The following LARGE1 variants were observed in gnomAD, a reference collection of about 807,000 sequenced individuals.
The protein encoded by LARGE1 is LARGE xylosyl- and glucuronyltransferase 1.
LARGE1 carries 43 observed loss-of-function variants against 87.6 expected under a neutral mutation model. The observed-to-expected ratio is 0.49, with a 90% CI of 0.38 to 0.63. LARGE1 has a LOEUF of 0.63. Among genes scored for constraint, LARGE1 ranks in the 30% least tolerant of loss-of-function variants. The pLI is 0.00. For missense variants in LARGE1, 802 were observed against 1,000.2 expected (o/e 0.80, Z 2.67); for synonymous variants, 434 against 394.6 (o/e 1.10, Z -1.18).
intron 5 of LARGE1, among the ~76,000 whole-genome samples, chr22:33,585,699 T>C (rs1030895488): frequency 5.3e-5 from 8 of 152,188 alleles, no homozygotes; most frequent in Admixed American, 6.5e-5. Flanking sequence ...GTAGATTGTT[T>C]AAGGCACTTT....
At chr22:33,887,817 C>T (rs1265585153) in intron 1 of LARGE1, among the ~76,000 whole-genome samples, 2 of 152,124 alleles carry the variant, frequency 1.3e-5, no homozygotes, top group Non-Finnish European at 2.9e-5. Flanking sequence ...GGTTCTCATG[C>T]CTATGATTTT....
chr22:33,232,711 T>C (rs186837603), intron 11 of LARGE1, among the ~76,000 whole-genome samples: 1 of 152,190 alleles, frequency 6.6e-6, no homozygotes, highest in Admixed American at 6.5e-5. Context: ...TGCAAAGCAG[T>C]AAAGAGAAGA....
rs189631279 is a variant in LARGE1, at chr22:33,541,955, G to A, written c.787+22893C>T. ...AGGCGGGTGGATCACCTGAGGTCAA[G>A]AGTTGGAGAACAGCCTGGCCAACAT... On this transcript the variant is annotated intron_variant, in intron 6 of 14. Coordinates refer to ENST00000397394, the MANE Select transcript of LARGE1 (RefSeq NM_133642.5). Among the ~76,000 whole-genome samples, 49 of 152,072 alleles carry A rather than the reference G, an allele frequency of 3.2e-4. 1 individual carries two copies. The highest frequency in any genetic ancestry group is 6.2e-4 in the South Asian group (3 of 4,810).
At chr22:33,416,100 T>A (rs2066476176) in intron 7 of LARGE1, among the ~76,000 whole-genome samples, 1 of 152,172 alleles carries the variant, frequency 6.6e-6, no homozygotes, top group African/African-American at 2.4e-5. Context: ...GATGCTCCCA[T>A]CTTCTAGGTG....
At chr22:33,756,073 C>T (rs2283939) in intron 2 of LARGE1, among the ~76,000 whole-genome samples, 50,883 of 151,864 alleles carry the variant, frequency 0.34, 8,928 homozygotes, top group African/African-American at 0.43. Flanking sequence ...GAAATAGTTT[C>T]CTCAGGTAGT....
intron 5 of LARGE1, among the ~76,000 whole-genome samples, chr22:33,594,018 A>G (rs2078913818): frequency 6.6e-6 from 1 of 152,222 alleles, no homozygotes; most frequent in Non-Finnish European, 1.5e-5. Context: ...GGATAAAAGA[A>G]GATTATGCAA....
At chr22:33,921,681 T>G (rs1441368950), upstream of LARGE1, among the ~76,000 whole-genome samples, 2 of 152,060 alleles carry the variant, frequency 1.3e-5, no homozygotes, top group South Asian at 2.1e-4. The surrounding 1 kb of genome is among the most constrained non-coding windows in gnomAD (Gnocchi z 4.1). Context: ...ACACACCCCA[T>G]GCACGCACAA....
Position 33,274,275 on chromosome 22 carries a change from C to G in LARGE1, c.*152G>C. ...GACTGGCTGGATCCTTGTCCAAGGT[C>G]TCTGTAGTGAGGGCAGCTTGGCTGG... On this transcript the variant is annotated 3_prime_UTR_variant, in exon 15 of 15. Transcript: ENST00000397394. 1.3e-6 allele frequency: 1 copy of G among 775,432 alleles called. No homozygotes were observed. Among genetic ancestry groups the G allele is most frequent in the South Asian group, 1.5e-5 (1 of 65,742 alleles). The allele number at this position is 775,432 out of a possible 1,614,324, so 48.0% of individuals were successfully genotyped here.
At chr22:33,706,012 A>T (rs2082551724) in intron 2 of LARGE1, among the ~76,000 whole-genome samples, 1 of 152,242 alleles carries the variant, frequency 6.6e-6, no homozygotes, top group South Asian at 2.1e-4. Flanking sequence ...AATGGAAAAC[A>T]CATCCATCAA....
intron 8 of LARGE1, among the ~76,000 whole-genome samples, 193 bp downstream of exon 8, chr22:33,383,987 CGAATGAACAAAT>C (rs2065242961): frequency 6.6e-6 from 1 of 152,140 alleles, no homozygotes; most frequent in African/African-American, 2.4e-5. Context: ...GAAAGTCTGC[CGAATGAACAAAT>C]GAATGAACAA....
At position 33,778,404 on chromosome 22, in the gene LARGE1, T is replaced by A. The variant is rs148643784; in HGVS notation, c.-82-16846A>T. On this transcript the variant is annotated intron_variant, in intron 1 of 14. Transcript: ENST00000397394. ...TTCATGGCATTTAGTACATTCACGA[T>A]GTTGAGCAACCACTCCTTTATCTAA... 1.9e-3 allele frequency among the ~76,000 whole-genome samples: 291 copies of A among 152,326 alleles called. 1 individual carries two copies. The highest frequency in any genetic ancestry group is 6.7e-3 in the African/African-American group (279 of 41,574).
At chr22:33,859,605 C>T (rs1412674244) in intron 1 of LARGE1, among the ~76,000 whole-genome samples, 13 of 152,152 alleles carry the variant, frequency 8.5e-5, no homozygotes, top group South Asian at 4.2e-4. Context: ...AAAAAGCAGT[C>T]AGAAGTCAGG....
intron 6 of LARGE1, among the ~76,000 whole-genome samples, chr22:33,519,374 G>C (rs1257726126): frequency 6.6e-6 from 1 of 152,052 alleles, no homozygotes; most frequent in Non-Finnish European, 1.5e-5. Flanking sequence ...GAGTTTAAAA[G>C]CTCCACTCTG....
At chr22:33,765,023 A>G (rs2084855606) in intron 1 of LARGE1, among the ~76,000 whole-genome samples, 2 of 152,226 alleles carry the variant, frequency 1.3e-5, no homozygotes, top group Admixed American at 6.5e-5. Flanking sequence ...ACTTACAGCA[A>G]TAAGTCAAGG....
intron 7 of LARGE1, among the ~76,000 whole-genome samples, chr22:33,396,546 C>G (rs773228622): frequency 6.6e-6 from 1 of 150,422 alleles, no homozygotes; most frequent in African/African-American, 2.5e-5. Context: ...CCTTCCATCT[C>G]AAACCTTCCC....
chr22:33,208,837 T>C (rs1305339960), intron 11 of LARGE1, among the ~76,000 whole-genome samples: 2 of 152,196 alleles, frequency 1.3e-5, no homozygotes, highest in African/African-American at 4.8e-5. Flanking sequence ...TTTTCTGTTC[T>C]TGTGATAGTT....
intron 6 of LARGE1, among the ~76,000 whole-genome samples, chr22:33,505,504 A>G (rs2070719110): frequency 6.6e-6 from 1 of 152,212 alleles, no homozygotes; most frequent in South Asian, 2.1e-4. Context: ...GGCCCATTAT[A>G]GATGCCTCAC....
At chr22:33,522,537 A>G (rs1418583887) in intron 6 of LARGE1, among the ~76,000 whole-genome samples, 1 of 152,162 alleles carries the variant, frequency 6.6e-6, no homozygotes, top group East Asian at 1.9e-4. Context: ...TGTCTCTAAA[A>G]AAAATACAAA....
At chr22:33,857,289 C>T (rs565007184) in intron 1 of LARGE1, among the ~76,000 whole-genome samples, 5 of 152,080 alleles carry the variant, frequency 3.3e-5, no homozygotes, top group African/African-American at 1.2e-4. Flanking sequence ...AGCTGGAAGC[C>T]AAAAGGAACA....
Sources: allele counts gnomAD v4.1 joint callset (sites outside exome capture counted in the v4.1 genomes callset), GRCh38; gene constraint gnomAD v4.1.1; non-coding constraint Gnocchi (gnomAD v3.1); transcripts MANE v1.5; gene names NCBI Gene and HGNC (gene_info 2026-07-23, HGNC 2026-07-21).